The following CEP83 variants were observed in gnomAD, a reference collection of about 807,000 sequenced individuals.
CEP83 encodes centrosomal protein 83, also known as centrosomal protein of 83 kDa.
In CEP83, 70 loss-of-function variants were observed where a neutral mutation model predicts 101.9. The ratio of observed to expected loss-of-function variants is 0.69; its 90% confidence interval spans 0.57 to 0.84. The LOEUF (loss-of-function observed/expected upper bound fraction) is 0.84, where lower values mean the gene tolerates loss of function less well. Ranked by LOEUF, CEP83 falls within the 40% of genes least tolerant of loss-of-function variation. The pLI is 0.00. For synonymous variants in CEP83, 264 were observed against 267.9 expected (o/e 0.99, Z 0.14); for missense variants, 715 against 787.2 (o/e 0.91, Z 1.10).
intron 2 of CEP83, chr12:94,424,920 T>C (rs2065068073): frequency 3.1e-6 from 5 of 1,598,846 alleles, no homozygotes; most frequent in Non-Finnish European, 4.3e-6. Flanking sequence ...TTGTTTCTAT[T>C]GTAGCCAAAA....
At chr12:94,298,647 G>A in the CEP83 span, 5 of 1,598,452 alleles carry the variant, frequency 3.1e-6, no homozygotes, top group Non-Finnish European at 4.3e-6. Flanking sequence ...AATTCATTCT[G>A]TGCTTGAAAA....
chr12:94,379,080 T>C (rs2061700457), intron 6 of CEP83, 38 bp from the exon 7 acceptor site: 1 of 1,500,512 alleles, frequency 6.7e-7, no homozygotes. Context: ...AAGGTTAAAT[T>C]ATTAAATTTT....
chr12:94,457,825 A>C (rs755217026), intron 1 of CEP83, among the ~76,000 whole-genome samples: 18 of 152,186 alleles, frequency 1.2e-4, no homozygotes, highest in Non-Finnish European at 2.4e-4. Flanking sequence ...AAAACTAACA[A>C]CTTGCCATAA....
At chr12:94,431,720 A>C (rs930263166) in intron 2 of CEP83, among the ~76,000 whole-genome samples, 16 of 152,208 alleles carry the variant, frequency 1.1e-4, no homozygotes, top group African/African-American at 3.9e-4. Context: ...GGAAATGCAA[A>C]TCAAAACCAC....
chr12:94,310,212 CTATA>C (rs1305832825), intron 15 of CEP83, 105 bp from the exon 16 acceptor site: 1 of 460,274 alleles, frequency 2.2e-6, no homozygotes, highest in Non-Finnish European at 3.8e-6. Flanking sequence ...ATTATGAGAT[CTATA>C]TATAATATAT....
At chr12:94,360,299 T>A (rs11532364) in intron 11 of CEP83, among the ~76,000 whole-genome samples, 43,538 of 151,786 alleles carry the variant, frequency 0.29, 6,618 homozygotes, top group Non-Finnish European at 0.34. Flanking sequence ...GAGAGAGAAA[T>A]AAATGGCTTC....
At chr12:94,339,880 A>G (rs1010124338) in intron 11 of CEP83, among the ~76,000 whole-genome samples, 6 of 152,256 alleles carry the variant, frequency 3.9e-5, no homozygotes, top group Admixed American at 3.9e-4. Context: ...AATCACAGGC[A>G]AAGACATGCC....
intron 11 of CEP83, among the ~76,000 whole-genome samples, chr12:94,362,763 A>G (rs914787035): frequency 1.3e-5 from 2 of 152,280 alleles, no homozygotes; most frequent in African/African-American, 4.8e-5. Context: ...AACTATTCAC[A>G]GTAAGCAAGA....
chr12:94,334,237 A>C (rs891368232), intron 12 of CEP83, among the ~76,000 whole-genome samples: 1 of 152,168 alleles, frequency 6.6e-6, no homozygotes, highest in Non-Finnish European at 1.5e-5. Context: ...ATGCTCTGGG[A>C]AATCTAATAA....
chr12:94,430,171 G>A (rs1325820158), intron 2 of CEP83, among the ~76,000 whole-genome samples: 2 of 151,940 alleles, frequency 1.3e-5, no homozygotes, highest in African/African-American at 4.8e-5. Context: ...CTCTTCCCAG[G>A]AACCTGAGAT....
At chr12:94,331,188 G>A (rs930339644) in intron 14 of CEP83, among the ~76,000 whole-genome samples, 16 of 147,218 alleles carry the variant, frequency 1.1e-4, no homozygotes, top group African/African-American at 3.7e-4. Flanking sequence ...CTACTCGAAA[G>A]GCTGAGGTAT....
the CEP83 span, among the ~76,000 whole-genome samples, chr12:94,267,709 A>T: frequency 6.6e-6 from 1 of 152,172 alleles, no homozygotes; most frequent in Non-Finnish European, 1.5e-5. Context: ...AAGGCACATG[A>T]TCCGTTCTAT....
chr12:94,427,140 T>C (rs2065263618), intron 2 of CEP83, among the ~76,000 whole-genome samples: 1 of 152,254 alleles, frequency 6.6e-6, no homozygotes, highest in Non-Finnish European at 1.5e-5. Context: ...ATGGTTAGAC[T>C]TCTTTGATTT....
At chr12:94,271,145 T>C in the CEP83 span, among the ~76,000 whole-genome samples, 1 of 152,248 alleles carries the variant, frequency 6.6e-6, no homozygotes, top group East Asian at 1.9e-4. Flanking sequence ...CATTCGGCCC[T>C]GAAATAAAAT....
At chr12:94,392,499 G>C (rs1032459743) in intron 6 of CEP83, among the ~76,000 whole-genome samples, 2 of 152,192 alleles carry the variant, frequency 1.3e-5, no homozygotes, top group African/African-American at 4.8e-5. Context: ...AGTGTGTAAA[G>C]GGAAATTTAT....
intron 11 of CEP83, among the ~76,000 whole-genome samples, chr12:94,345,381 ATACATGTATCTT>A (rs1237934621): frequency 1.3e-5 from 2 of 152,216 alleles, no homozygotes; most frequent in Non-Finnish European, 2.9e-5. Flanking sequence ...GACTAAAACA[ATACATGTATCTT>A]TGTTACCGTA....
downstream of CEP83, chr12:94,303,746 T>C (rs946660444): frequency 4.3e-6 from 6 of 1,401,600 alleles, no homozygotes; most frequent in South Asian, 1.7e-5. Context: ...TTTTTTTTTT[T>C]TTTCCCCAGG....
chr12:94,322,004 C>G (rs920643697), intron 14 of CEP83, among the ~76,000 whole-genome samples: 1 of 152,108 alleles, frequency 6.6e-6, no homozygotes, highest in Non-Finnish European at 1.5e-5. Context: ...GTCTGTGAAA[C>G]AGCAAAGATG....
At chr12:94,377,369 T>C (rs1275762072) in intron 7 of CEP83, among the ~76,000 whole-genome samples, 1 of 152,100 alleles carries the variant, frequency 6.6e-6, no homozygotes, top group East Asian at 1.9e-4. Context: ...CACATATCAG[T>C]AACCCAGGAA....
Sources: gnomAD v4.1 joint callset for allele counts (sites outside exome capture counted in the v4.1 genomes callset) on GRCh38, gnomAD v4.1.1 for gene constraint, MANE v1.5 for transcripts, NCBI Gene and HGNC (gene_info 2026-07-23, HGNC 2026-07-21) for gene names.